DNAH8: variants seen among roughly 807,000 people sequenced by gnomAD.
DNAH8 encodes the protein dynein axonemal heavy chain 8.
In DNAH8, 382 loss-of-function variants were observed where a neutral mutation model predicts 562.1. The ratio of observed to expected loss-of-function variants is 0.68; its 90% confidence interval spans 0.63 to 0.74. DNAH8 has a LOEUF of 0.74. DNAH8 is among the 30% of genes least tolerant of loss of function. The pLI, the probability that DNAH8 is intolerant of heterozygous loss-of-function variation, is 0.00. For synonymous variants in DNAH8, 1,881 were observed against 1,919.4 expected (o/e 0.98, Z 0.52); for missense variants, 5,203 against 5,620.4 (o/e 0.93, Z 2.37).
chr6:38,932,216 A>ACACACACACACACC (rs375631180), intron 76 of DNAH8, among the ~76,000 whole-genome samples: 5,112 of 145,462 alleles, frequency 0.035, 250 homozygotes, highest in African/African-American at 0.11. Context: ...ACACACACAC[A>ACACACACACACACC]CCCGTCTCTT....
At chr6:38,989,482 A>G (rs747738048) in intron 87 of DNAH8, among the ~76,000 whole-genome samples, 1 of 152,242 alleles carries the variant, frequency 6.6e-6, no homozygotes, top group Non-Finnish European at 1.5e-5. Flanking sequence ...GGACAGGGAC[A>G]TAATTAGCAA....
At chr6:38,741,953 A>T in intron 8 of DNAH8, 66 bp downstream of exon 8, 1 of 1,379,098 alleles carries the variant, frequency 7.3e-7, no homozygotes, top group Non-Finnish European at 1.0e-6. Context: ...TATCCTATTG[A>T]ACTACTTCTT....
chr6:38,750,519 A>T lies in DNAH8; in HGVS notation c.1337A>T (p.Glu446Val), dbSNP rs1765348940. ...LDARITDTAN[E>V]SKDNVRYLYT... is the part of the protein sequence containing the mutation. Reference sequence around the variant, plus strand: ...GCAAGAATCACTGATACAGCAAATGAATCCAAAGATAATGTCAGATATTTG... The same window carrying T: ...GCAAGAATCACTGATACAGCAAATGTATCCAAAGATAATGTCAGATATTTG... Residue 446 changes from glutamate (E) to valine (V), a missense_variant, in exon 9 of 93, where the codon GAA (glutamate) becomes GTA (valine). By Grantham distance (121) the Glu-to-Val change is moderately radical (BLOSUM62 -2). Around this residue, in one of 6 missense-constraint regions of DNAH8, gnomAD observed 2,176 missense variants for 2,365.1 expected, o/e 0.92. Transcript: ENST00000327475. 6.2e-7 allele frequency: 1 copy of T among 1,612,542 alleles called. No individual in the cohort carries two copies. Among genetic ancestry groups the T allele is most frequent in the South Asian group, 1.1e-5 (1 of 90,740 alleles).
At chr6:39,020,739 A>C (rs1476884845) in intron 91 of DNAH8, among the ~76,000 whole-genome samples, 1 of 151,184 alleles carries the variant, frequency 6.6e-6, no homozygotes, top group Admixed American at 6.6e-5. Context: ...TCATTGTTCA[A>C]CTCTTACTTG....
chr6:38,737,782 AT>A, intron 6 of DNAH8, 26 bp from the exon 7 acceptor site: 1 of 1,189,480 alleles, frequency 8.4e-7, no homozygotes, highest in Non-Finnish European at 1.1e-6. Context: ...ATAAATTAGT[AT>A]TAAATGTCTT....
At chr6:39,000,746 C>T (rs1765430226) in intron 88 of DNAH8, among the ~76,000 whole-genome samples, 1 of 152,078 alleles carries the variant, frequency 6.6e-6, no homozygotes, top group Non-Finnish European at 1.5e-5. Flanking sequence ...ATAAAGTGCC[C>T]AATAAAAGTA....
chr6:38,761,227 A>G (rs1459724427), intron 10 of DNAH8, among the ~76,000 whole-genome samples: 2 of 147,754 alleles, frequency 1.4e-5, no homozygotes, highest in Non-Finnish European at 3.0e-5. Context: ...GTCATTTAGC[A>G]TTAGGTATAT....
chr6:38,982,227 A>G (rs937407188), intron 85 of DNAH8, 119 bp from the exon 86 acceptor site: 23 of 646,262 alleles, frequency 3.6e-5, no homozygotes, highest in South Asian at 5.9e-5. Context: ...TGTATATACT[A>G]TTCTTTTAAA....
chr6:38,867,923 C>T, intron 47 of DNAH8, 139 bp from the exon 48 acceptor site: 1 of 732,594 alleles, frequency 1.4e-6, no homozygotes, highest in South Asian at 2.1e-5. Context: ...GGAAGTTGAG[C>T]TAATAAACCT....
intron 70 of DNAH8, 115 bp downstream of exon 70, chr6:38,918,255 T>TA (rs1388915787): frequency 1.4e-6 from 1 of 701,744 alleles, no homozygotes; most frequent in Non-Finnish European, 2.2e-6. Context: ...ATGTCCCTGT[T>TA]ACCAAATTTG....
rs770773306 is a variant in DNAH8 at position 38,828,175 on chromosome 6, A to G, written c.4084-9A>G. 2 of 1,565,626 alleles carry G rather than the reference A, an allele frequency of 1.3e-6. No homozygotes were observed. The highest frequency in any genetic ancestry group is 1.7e-6 in the Non-Finnish European group (2 of 1,151,556). On this transcript the variant is annotated splice_polypyrimidine_tract_variant and intron_variant, in intron 29 of 92. Transcript: ENST00000327475. The stretch of plus-strand genomic sequence containing the variant: ...TGTGATATTTCTAAACTCCACCTTC[A>G]TCCTGCAGGAAGCCTATGCTATTTT...
chr6:38,790,771 C>T (rs1031039500), intron 20 of DNAH8, among the ~76,000 whole-genome samples: 5 of 151,124 alleles, frequency 3.3e-5, no homozygotes, highest in Non-Finnish European at 5.9e-5. Flanking sequence ...TGCAGTGAGC[C>T]GAGATCATGC....
chr6:38,932,254 G>A (rs1382117618), intron 76 of DNAH8, among the ~76,000 whole-genome samples: 1 of 147,520 alleles, frequency 6.8e-6, no homozygotes, highest in Non-Finnish European at 1.5e-5. Flanking sequence ...ACTTCTAGGT[G>A]TACTGACTCT....
chr6:38,925,221 A>G (rs1782015350), intron 73 of DNAH8, among the ~76,000 whole-genome samples: 1 of 152,130 alleles, frequency 6.6e-6, no homozygotes, highest in Non-Finnish European at 1.5e-5. Context: ...TTTATTAATT[A>G]TGGCCTTTGG....
intron 82 of DNAH8, among the ~76,000 whole-genome samples, chr6:38,963,680 CTTTTTTT>C (rs778971367): frequency 0.26 from 14,775 of 57,458 alleles, 214 homozygotes; most frequent in East Asian, 0.44. Context: ...AAAGTCCATT[CTTTTTTT>C]TTTTTTTTTT....
chr6:38,783,671 TGGGCGGA>T (rs1768864062), intron 17 of DNAH8, among the ~76,000 whole-genome samples: 1 of 152,186 alleles, frequency 6.6e-6, no homozygotes, highest in African/African-American at 2.4e-5. Context: ...GCCAAGGCTT[TGGGCGGA>T]GTTAAATGTG....
At chr6:38,953,715 A>G (rs1173636669) in intron 82 of DNAH8, among the ~76,000 whole-genome samples, 1 of 152,200 alleles carries the variant, frequency 6.6e-6, no homozygotes, top group East Asian at 1.9e-4. Context: ...TTAAAATGGA[A>G]CTATTACACA....
intron 48 of DNAH8, among the ~76,000 whole-genome samples, chr6:38,869,164 A>G (rs1777281555): frequency 6.6e-6 from 1 of 152,208 alleles, no homozygotes; most frequent in Non-Finnish European, 1.5e-5. Flanking sequence ...TTTCAGGTGT[A>G]TCGTCTTATT....
In DNAH8 at chr6:38,737,164, A is replaced by G; in HGVS notation, c.860A>G (p.Asn287Ser). The G allele has an allele frequency of 6.3e-7, 1 of 1,585,232 alleles. No homozygotes were observed. The highest frequency in any genetic ancestry group is 2.3e-5 in the East Asian group (1 of 43,186). Residue 287 changes from asparagine (N) to serine (S), a missense_variant, in exon 6 of 93, where the codon AAC (asparagine) becomes AGC (serine). Physicochemically the swap from Asn to Ser is conservative, Grantham distance 46. Transcript: ENST00000327475. ...NIFLPAVLATNNWGALNQSKQ... is the reference protein window; with the variant it reads ...NIFLPAVLATSNWGALNQSKQ... ...TTTCTACCAGCTGTTCTTGCAACAA[A>G]CAACTGGGGTGCTTTAAACCAGTCC...
Sources: allele counts gnomAD v4.1 joint callset (sites outside exome capture counted in the v4.1 genomes callset), GRCh38; gene constraint gnomAD v4.1.1; regional missense constraint gnomAD v4.1.1; transcripts MANE v1.5; gene names NCBI Gene and HGNC (gene_info 2026-07-23, HGNC 2026-07-21).